The following ITPR2 variants were observed in gnomAD, a reference collection of about 807,000 sequenced individuals.
ITPR2 encodes inositol 1,4,5-trisphosphate receptor type 2, also known as inositol 1,4,5-trisphosphate-gated calcium channel ITPR2.
In ITPR2, 207 loss-of-function variants were observed where a neutral mutation model predicts 317.1. That is an observed-to-expected ratio of 0.65 (90% CI 0.58 to 0.73). The LOEUF is 0.73. Among genes scored for constraint, ITPR2 ranks in the 30% least tolerant of loss-of-function variants. The pLI is 0.00. For synonymous variants in ITPR2, 1,156 were observed against 1,149.1 expected, an observed-to-expected ratio of 1.01 and a Z score of -0.12; for missense variants, 2,613 against 3,284.0, an observed-to-expected ratio of 0.80 and a Z score of 4.99.
At chr12:26,677,839 AATTT>A (rs1030373396) in intron 13 of ITPR2, among the ~76,000 whole-genome samples, 14 of 152,172 alleles carry the variant, frequency 9.2e-5, no homozygotes. Flanking sequence ...TGGCAAATAA[AATTT>A]AAGAGAAAAT....
chr12:26,457,216 T>C (rs1480909183), intron 45 of ITPR2, among the ~76,000 whole-genome samples: 1 of 152,180 alleles, frequency 6.6e-6, no homozygotes, highest in Non-Finnish European at 1.5e-5. Flanking sequence ...TTAAATCAAA[T>C]GGTTAGAGAC....
chr12:26,411,470 GA>G, intron 51 of ITPR2, 58 bp from the exon 52 acceptor site: 1 of 1,169,120 alleles, frequency 8.6e-7, no homozygotes, highest in Non-Finnish European at 1.3e-6. Context: ...GATGAAAACT[GA>G]ACCTACAGTT....
At chr12:26,824,094 C>A (rs1017385291) in intron 1 of ITPR2, among the ~76,000 whole-genome samples, 12 of 152,170 alleles carry the variant, frequency 7.9e-5, no homozygotes, top group Non-Finnish European at 1.5e-4. Context: ...ACCTAACCTA[C>A]CAAACAACAT....
At position 26,367,721 on chromosome 12, in the gene ITPR2, T is replaced by C. The variant is rs140605363; in HGVS notation, c.7857+19713A>G. ...CTTCTGGGAAGACTTTCTGTGTTAT[T>C]ACGATTTGAAAAGATCAAATAATTT... On this transcript the variant is annotated intron_variant, in intron 55 of 56. Transcript: ENST00000381340. Among the ~76,000 whole-genome samples the C allele has an allele frequency of 3.4e-3, 522 of 152,330 alleles. 1 individual carries two copies. The highest frequency in any genetic ancestry group is 0.012 in the African/African-American group (500 of 41,572).
chr12:26,510,622 A>G (rs987447108), intron 37 of ITPR2, among the ~76,000 whole-genome samples: 1 of 152,252 alleles, frequency 6.6e-6, no homozygotes, highest in Admixed American at 6.5e-5. Flanking sequence ...TTTTCTTTGG[A>G]CCACTTAATC....
intron 1 of ITPR2, among the ~76,000 whole-genome samples, chr12:26,829,503 G>A (rs1019964892): frequency 6.6e-6 from 1 of 152,010 alleles, no homozygotes; most frequent in Non-Finnish European, 1.5e-5. Flanking sequence ...ACCACACCTG[G>A]CTAATTTTTT....
chr12:26,632,933 T>TAGAAGTG (rs1257222919), intron 21 of ITPR2, among the ~76,000 whole-genome samples: 2 of 152,174 alleles, frequency 1.3e-5, no homozygotes, highest in Non-Finnish European at 1.5e-5. Context: ...TGCTTCTCAC[T>TAGAAGTG]TCTAAGTTCC....
In ITPR2 at chr12:26,656,421, G is replaced by A; in HGVS notation, c.2320C>T (p.Leu774Phe). 2.5e-6 allele frequency: 4 copies of A among 1,614,230 alleles called. No individual in the cohort carries two copies. The highest frequency in any genetic ancestry group is 3.4e-6 in the Non-Finnish European group (4 of 1,180,050). Reference sequence around the variant, plus strand: ...ATGAGGCGACAGAAGGACGCTCGGAGGTCGAACGGCAGGCTCTCATCCGAC... The same window carrying A: ...ATGAGGCGACAGAAGGACGCTCGGAAGTCGAACGGCAGGCTCTCATCCGAC... ...CVSDESLPFD[L>F]RASFCRLMLH... is the part of the protein sequence containing the mutation. The change falls in exon 19 of 57, where the codon CTC becomes TTC. Residue 774 changes from leucine to phenylalanine, a missense_variant. By Grantham distance (22) the Leu-to-Phe change is conservative (BLOSUM62 0). Coordinates refer to ENST00000381340, the MANE Select transcript of ITPR2 (RefSeq NM_002223.4).
intron 2 of ITPR2, among the ~76,000 whole-genome samples, chr12:26,789,868 C>A (rs1950314236): frequency 6.6e-6 from 1 of 152,178 alleles, no homozygotes; most frequent in Non-Finnish European, 1.5e-5. Context: ...AAATACTGTT[C>A]AGCTGCATTT....
intron 54 of ITPR2, among the ~76,000 whole-genome samples, chr12:26,388,069 A>G (rs1366337073): frequency 1.3e-5 from 2 of 152,222 alleles, no homozygotes; most frequent in African/African-American, 2.4e-5. Context: ...AGTGAAAGGA[A>G]CACAAAGAAG....
At chr12:26,523,257 A>C (rs1943713601) in intron 37 of ITPR2, among the ~76,000 whole-genome samples, 1 of 152,240 alleles carries the variant, frequency 6.6e-6, no homozygotes, top group African/African-American at 2.4e-5. Context: ...TCAACCAAAT[A>C]TAGGGTTAAT....
At chr12:26,615,685 A>C (rs185134385) in intron 26 of ITPR2, among the ~76,000 whole-genome samples, 2 of 152,296 alleles carry the variant, frequency 1.3e-5, no homozygotes, top group East Asian at 3.9e-4. Flanking sequence ...CAGTTAATAA[A>C]TTCTTTTGTT....
chr12:26,474,130 G>A (rs577875772), intron 45 of ITPR2, among the ~76,000 whole-genome samples: 43 of 152,266 alleles, frequency 2.8e-4, no homozygotes, highest in African/African-American at 1.0e-3. Flanking sequence ...GTAGAAAAGG[G>A]CATAAGAAAT....
intron 43 of ITPR2, among the ~76,000 whole-genome samples, chr12:26,480,580 A>G (rs10771285): frequency 0.81 from 123,714 of 152,090 alleles, 51,342 homozygotes; most frequent in Non-Finnish European, 0.9. Flanking sequence ...GATGGCTCAC[A>G]CTTGTAATCC....
In ITPR2 at chr12:26,556,259, T is replaced by A. The variant is rs1160204403; in HGVS notation, c.4938A>T (p.Arg1646Ser). ...ELLFPEGSDA[R>S]IRCGAFMSKL... is the part of the protein sequence containing the mutation. ...TCGACATGAAAGCGCCACATCTTAT[T>A]CTTGCATCGCTTCCCTCAGGGAACA... The change falls in exon 36 of 57, where the codon AGA becomes AGT. Residue 1646 changes from arginine to serine, a missense_variant. Arg to Ser is a moderately radical substitution (Grantham distance 110). This residue lies in a region of ITPR2 where 926 missense variants were observed against 1,072.8 expected (regional missense o/e 0.86). Coordinates refer to ENST00000381340, the MANE Select transcript of ITPR2 (RefSeq NM_002223.4). The A allele has an allele frequency of 6.2e-7, 1 of 1,613,754 alleles. No individual in the cohort carries two copies. Among genetic ancestry groups the A allele is most frequent in the Admixed American group, 1.7e-5 (1 of 59,928 alleles).
At chr12:26,676,517 T>C (rs1947910984) in intron 13 of ITPR2, among the ~76,000 whole-genome samples, 1 of 151,152 alleles carries the variant, frequency 6.6e-6, no homozygotes, top group Admixed American at 6.6e-5. Flanking sequence ...ATAAAGATAT[T>C]TTCATATACA....
chr12:26,815,336 A>G (rs1193012490), intron 1 of ITPR2, among the ~76,000 whole-genome samples: 2 of 152,208 alleles, frequency 1.3e-5, no homozygotes, highest in Non-Finnish European at 1.5e-5. Context: ...AGTCTCAAAA[A>G]AAAAGGAAAT....
intron 51 of ITPR2, among the ~76,000 whole-genome samples, chr12:26,411,729 T>A (rs1940557739): frequency 6.6e-6 from 1 of 152,168 alleles, no homozygotes; most frequent in Non-Finnish European, 1.5e-5. Context: ...TCATTCAGGG[T>A]TCTGACTTGG....
At chr12:26,770,694 G>A (rs1949824478) in intron 2 of ITPR2, among the ~76,000 whole-genome samples, 1 of 152,146 alleles carries the variant, frequency 6.6e-6, no homozygotes, top group Admixed American at 6.5e-5. Flanking sequence ...TCTTCCTTTA[G>A]GTAGTTTTAG....
Sources: allele counts gnomAD v4.1 joint callset (sites outside exome capture counted in the v4.1 genomes callset), GRCh38; gene constraint gnomAD v4.1.1; regional missense constraint gnomAD v4.1.1; transcripts MANE v1.5; gene names NCBI Gene and HGNC (gene_info 2026-07-23, HGNC 2026-07-21).